CEP57: variants seen among roughly 807,000 people sequenced by gnomAD.
CEP57 encodes the protein centrosomal protein 57.
A neutral mutation model predicts 68.0 loss-of-function variants in CEP57; 40 were observed. The observed-to-expected ratio is 0.59, with a 90% CI of 0.46 to 0.77. The LOEUF (loss-of-function observed/expected upper bound fraction) is 0.77. CEP57 is among the 30% of genes least tolerant of loss of function. CEP57 has a pLI of 0.00. For missense variants in CEP57, 606 were observed against 580.7 expected (o/e 1.04, Z -0.45); for synonymous variants, 219 against 198.7 (o/e 1.10, Z -0.86).
At chr11:95,830,199 G>A (rs926378104) in intron 10 of CEP57, among the ~76,000 whole-genome samples, 15 of 152,182 alleles carry the variant, frequency 9.9e-5, no homozygotes, top group Admixed American at 3.9e-4. Context: ...TAGATGCTAA[G>A]CCACATTTTC....
chr11:95,813,150 G>C, intron 3 of CEP57, 39 bp downstream of exon 3: 1 of 1,570,730 alleles, frequency 6.4e-7, no homozygotes, highest in Non-Finnish European at 8.7e-7. Flanking sequence ...ATCAAAATAA[G>C]TGTTGTGCAG....
intron 4 of CEP57, among the ~76,000 whole-genome samples, chr11:95,814,901 A>G (rs919069873): frequency 6.6e-6 from 1 of 152,176 alleles, no homozygotes; most frequent in African/African-American, 2.4e-5. Flanking sequence ...CAAGTCTCCT[A>G]TAAAATGGTG....
At chr11:95,807,922 T>C (rs1324201506) in intron 2 of CEP57, among the ~76,000 whole-genome samples, 2 of 152,078 alleles carry the variant, frequency 1.3e-5, no homozygotes, top group Admixed American at 6.5e-5. Context: ...AATTGTCAGA[T>C]TCACCAAAGT....
intron 1 of CEP57, among the ~76,000 whole-genome samples, chr11:95,798,468 G>A (rs181072072): frequency 5.9e-5 from 9 of 152,282 alleles, no homozygotes; most frequent in East Asian, 1.9e-4. Context: ...TGCTGTGGCC[G>A]TTTGAGGAAG....
intron 1 of CEP57, chr11:95,794,312 A>G: frequency 2.2e-6 from 1 of 455,978 alleles, no homozygotes; most frequent in Non-Finnish European, 4.4e-6. Flanking sequence ...AAGAAGAGAG[A>G]GAAAATCGTT....
chr11:95,803,745 C>CTTT (rs35320796), intron 2 of CEP57, among the ~76,000 whole-genome samples: 1 of 149,244 alleles, frequency 6.7e-6, no homozygotes, highest in East Asian at 2.0e-4. Context: ...TACAAAAGAG[C>CTTT]TTTTTTTTTG....
intron 7 of CEP57, 21 bp downstream of exon 7, chr11:95,821,999 C>G: frequency 6.6e-7 from 1 of 1,523,356 alleles, no homozygotes; most frequent in Non-Finnish European, 9.1e-7. Context: ...AGAACCAAAT[C>G]AGGCAAAATG....
intron 10 of CEP57, among the ~76,000 whole-genome samples, chr11:95,829,627 T>C (rs2135380046): frequency 6.6e-6 from 1 of 152,320 alleles, no homozygotes; most frequent in South Asian, 2.1e-4. Context: ...CCAAGTAAGT[T>C]TTTTTAAAAG....
intron 1 of CEP57, among the ~76,000 whole-genome samples, chr11:95,798,513 A>G (rs1018527824): frequency 6.6e-6 from 1 of 152,220 alleles, no homozygotes; most frequent in Admixed American, 6.5e-5. Context: ...GCTGGTAGTC[A>G]TATCTTCCAC....
chr11:95,830,084 T>G (rs1389018499), intron 10 of CEP57, among the ~76,000 whole-genome samples: 1 of 152,216 alleles, frequency 6.6e-6, no homozygotes, highest in Non-Finnish European at 1.5e-5. Context: ...TGTTGATTGG[T>G]AGCCATATGA....
chr11:95,800,038 C>T (rs116650181), intron 2 of CEP57, among the ~76,000 whole-genome samples: 127 of 152,250 alleles, frequency 8.3e-4, no homozygotes, highest in African/African-American at 2.9e-3. Flanking sequence ...GTTTTCTTGT[C>T]GCCTTAACAA....
At chr11:95,822,106 C>G (rs1331112538) in intron 7 of CEP57, 128 bp downstream of exon 7, 4 of 734,466 alleles carry the variant, frequency 5.4e-6, no homozygotes, top group Non-Finnish European at 9.6e-6. Flanking sequence ...TTTCTTCATT[C>G]AGAAGGTGGA....
intron 1 of CEP57, among the ~76,000 whole-genome samples, chr11:95,792,567 GTTAATAC>G (rs1284973648): frequency 2.0e-5 from 3 of 152,244 alleles, no homozygotes; most frequent in East Asian, 1.9e-4. Flanking sequence ...ATAGTCAGCT[GTTAATAC>G]TTATACGGTA....
At chr11:95,826,453 A>T (rs1862746719) in intron 8 of CEP57, 1 of 152,208 alleles carries the variant, frequency 6.6e-6, no homozygotes, top group Non-Finnish European at 1.5e-5. Flanking sequence ...GAGTTGGTCA[A>T]CGGGGAGGGA....
intron 2 of CEP57, among the ~76,000 whole-genome samples, chr11:95,805,378 T>G (rs546252415): frequency 8.2e-4 from 125 of 152,278 alleles, no homozygotes; most frequent in African/African-American, 2.9e-3. Flanking sequence ...GGTTTCTTCC[T>G]GTGTGTGTGT....
chr11:95,805,017 A>G (rs1861734388), intron 2 of CEP57, among the ~76,000 whole-genome samples: 1 of 152,256 alleles, frequency 6.6e-6, no homozygotes, highest in Non-Finnish European at 1.5e-5. Context: ...ACACCCCAGC[A>G]TATCCTTGTG....
In CEP57 at chr11:95,832,310, C is replaced by T. The variant is rs1863038445; in HGVS notation, c.*1054C>T. Reference sequence around the variant, plus strand: ...AAAAATGCATTTCTAAATAGGAGGACATCAATGTATTGATGAAGAGAAAAA... The same window carrying T: ...AAAAATGCATTTCTAAATAGGAGGATATCAATGTATTGATGAAGAGAAAAA... On this transcript the variant is annotated 3_prime_UTR_variant, in exon 11 of 11. Transcript: ENST00000325542. 1 of 152,090 alleles carries T rather than the reference C, an allele frequency of 6.6e-6. No individual in the cohort carries two copies. 9.4% of individuals were successfully genotyped at this position (152,090 alleles called of 1,614,324 possible).
chr11:95,803,322 G>C (rs1015369661), intron 2 of CEP57, among the ~76,000 whole-genome samples: 1 of 152,122 alleles, frequency 6.6e-6, no homozygotes, highest in Non-Finnish European at 1.5e-5. Context: ...AAATTAAAAA[G>C]TCAAGTATAA....
At chr11:95,815,965 T>C in intron 4 of CEP57, among the ~76,000 whole-genome samples, 1 of 152,236 alleles carries the variant, frequency 6.6e-6, no homozygotes, top group East Asian at 1.9e-4. Context: ...TTCATTTGCT[T>C]TTGAGTTCCT....
Sources: allele counts gnomAD v4.1 joint callset (sites outside exome capture counted in the v4.1 genomes callset), GRCh38; gene constraint gnomAD v4.1.1; transcripts MANE v1.5; gene names NCBI Gene and HGNC (gene_info 2026-07-23, HGNC 2026-07-21).